The following SASH1 variants were observed in gnomAD, a reference collection of about 807,000 sequenced individuals.
The protein encoded by SASH1 is SAM and SH3 domain-containing protein 1.
A neutral mutation model predicts 125.2 loss-of-function variants in SASH1; 44 were observed. That is an observed-to-expected ratio of 0.35 (90% confidence interval 0.28 to 0.45). SASH1 has a LOEUF of 0.45. SASH1 is among the 20% of genes least tolerant of loss of function. The pLI, the probability that SASH1 is intolerant of heterozygous loss-of-function variation, is 1.00. For synonymous variants in SASH1, 639 were observed against 649.1 expected (o/e 0.98, Z 0.24); for missense variants, 1,426 against 1,614.5 (o/e 0.88, Z 2.00).
chr6:148,476,680 C>G (rs968611238), intron 7 of SASH1, among the ~76,000 whole-genome samples: 2 of 151,866 alleles, frequency 1.3e-5, no homozygotes, highest in East Asian at 1.9e-4. Flanking sequence ...TCCATCCCCC[C>G]CAACCCCCAA....
At chr6:148,497,049 A>AT (rs1216659061) in intron 8 of SASH1, among the ~76,000 whole-genome samples, 11 of 152,132 alleles carry the variant, frequency 7.2e-5, no homozygotes, top group Non-Finnish European at 1.2e-4. Flanking sequence ...ATTACTCTGT[A>AT]TTTTAATAAA....
chr6:148,466,961 C>G (rs1777865837), intron 4 of SASH1, among the ~76,000 whole-genome samples: 2 of 152,118 alleles, frequency 1.3e-5, no homozygotes. Flanking sequence ...GTGTCTGTGT[C>G]TCTTCTGATG....
intron 1 of SASH1, among the ~76,000 whole-genome samples, chr6:148,304,923 T>G (rs1306144238): frequency 6.6e-6 from 1 of 151,916 alleles, no homozygotes; most frequent in African/African-American, 2.4e-5. Flanking sequence ...CCCAGCCACT[T>G]GGGAGACTGA....
intron 8 of SASH1, among the ~76,000 whole-genome samples, chr6:148,509,103 G>GT (rs1231883467): frequency 6.6e-6 from 1 of 152,106 alleles, no homozygotes; most frequent in Non-Finnish European, 1.5e-5. Context: ...AGTGAGTATT[G>GT]TTTTGAGAAT....
intron 17 of SASH1, among the ~76,000 whole-genome samples, chr6:148,541,867 A>C (rs1346580986): frequency 1.3e-5 from 2 of 152,328 alleles, no homozygotes; most frequent in East Asian, 3.9e-4. Flanking sequence ...GGAAGATAGT[A>C]GTTCTCCCCA....
the SASH1 span, among the ~76,000 whole-genome samples, chr6:148,252,635 C>T: frequency 3.9e-5 from 6 of 152,040 alleles, no homozygotes; most frequent in South Asian, 2.1e-4. Flanking sequence ...CTTGCCACCA[C>T]GCCTGGCTAT....
the SASH1 span, chr6:148,237,466 C>A: frequency 2.6e-5 from 4 of 152,150 alleles, no homozygotes; most frequent in Non-Finnish European, 5.9e-5. Context: ...GCTTACTTAC[C>A]AACTATGCCC....
chr6:148,203,275 C>T, the SASH1 span, among the ~76,000 whole-genome samples: 1 of 152,186 alleles, frequency 6.6e-6, no homozygotes, highest in Non-Finnish European at 1.5e-5. Context: ...ACACTGCTGT[C>T]ACCATTATGA....
At chr6:148,525,199 A>AGAT (rs1250611041) in intron 10 of SASH1, 92 bp from the exon 11 acceptor site, 7 of 842,158 alleles carry the variant, frequency 8.3e-6, no homozygotes, top group Non-Finnish European at 1.4e-5. Flanking sequence ...TGTGATTCAG[A>AGAT]GATGTCCTGC....
rs111276665 is a variant in SASH1 at position 148,286,240 on chromosome 6, A to T, written n.74+13863A>T. On this transcript the variant is annotated intron_variant and non_coding_transcript_variant, in intron 1 of 3. Coordinates refer to the SASH1 transcript ENST00000367469. ...TAAAAAAAAAAATAAAATAATTTTT[A>T]AAATAATTCCATTAGCTGGGCGTGG... Among the ~76,000 whole-genome samples the T allele has an allele frequency of 8.1e-4, 123 of 152,108 alleles. 1 individual carries two copies. The Middle Eastern group carries it at 0.024, about 29-fold the overall frequency.
At chr6:148,444,448 T>C (rs748684199) in intron 4 of SASH1, among the ~76,000 whole-genome samples, 15 of 152,280 alleles carry the variant, frequency 9.9e-5, no homozygotes, top group Non-Finnish European at 1.8e-4. Context: ...TGCTGACCTC[T>C]AGATGTGCTT....
At chr6:148,453,447 T>C (rs917505596) in intron 4 of SASH1, among the ~76,000 whole-genome samples, 6 of 152,140 alleles carry the variant, frequency 3.9e-5, no homozygotes, top group Non-Finnish European at 8.8e-5. Flanking sequence ...AAATCTATAA[T>C]GCAGATGGTA....
chr6:148,437,878 A>T (rs1461992822), intron 2 of SASH1, among the ~76,000 whole-genome samples: 4 of 152,246 alleles, frequency 2.6e-5, no homozygotes, highest in African/African-American at 9.6e-5. Flanking sequence ...AGGGGCAGGT[A>T]CGTTTTGCAT....
chr6:148,233,129 G>T, the SASH1 span, among the ~76,000 whole-genome samples: 3 of 151,450 alleles, frequency 2.0e-5, no homozygotes, highest in African/African-American at 7.3e-5. Flanking sequence ...CAGGAGAATT[G>T]CTTGAACCCA....
intron 1 of SASH1, among the ~76,000 whole-genome samples, chr6:148,371,605 TG>T (rs1782708404): frequency 6.6e-6 from 1 of 152,044 alleles, no homozygotes; most frequent in Admixed American, 6.6e-5. Flanking sequence ...ATGAGAGTCA[TG>T]TCAGGTCCCC....
intron 4 of SASH1, among the ~76,000 whole-genome samples, chr6:148,467,829 T>C (rs942362097): frequency 1.3e-5 from 2 of 152,016 alleles, no homozygotes; most frequent in Non-Finnish European, 2.9e-5. Flanking sequence ...CTCAGCTACT[T>C]GGGAGGCTGA....
intron 2 of SASH1, among the ~76,000 whole-genome samples, chr6:148,409,423 C>T (rs1359011028): frequency 6.6e-6 from 1 of 152,200 alleles, no homozygotes; most frequent in East Asian, 1.9e-4. Context: ...TTGAAAGTGT[C>T]TGAAATACTC....
chr6:148,481,204 G>A lies in SASH1; in HGVS notation c.628-6410G>A, dbSNP rs141946144. 1.3e-4 allele frequency among the ~76,000 whole-genome samples: 19 copies of A among 151,990 alleles called. No homozygotes were observed. The East Asian group carries it at 3.5e-3, about 28-fold the overall frequency. The stretch of plus-strand genomic sequence containing the variant: ...ATAGTTTCTGGATTTAATATAAGAC[G>A]CACCTCCTTATCTCTTCATAGAACT... On this transcript the variant is annotated intron_variant, in intron 7 of 19. Coordinates refer to ENST00000367467, the MANE Select transcript of SASH1 (RefSeq NM_015278.5).
chr6:148,525,053 G>C (rs1781054664), intron 10 of SASH1: 5 of 483,558 alleles, frequency 1.0e-5, no homozygotes, highest in African/African-American at 4.0e-5. Flanking sequence ...CATGTTAAGG[G>C]GATTCTAGAC....
Sources: allele counts gnomAD v4.1 joint callset (sites outside exome capture counted in the v4.1 genomes callset), GRCh38; gene constraint gnomAD v4.1.1; transcripts MANE v1.5; gene names NCBI Gene and HGNC (gene_info 2026-07-23, HGNC 2026-07-21).